Variants in CCSER1 observed in about 807,000 individuals in gnomAD.
The protein encoded by CCSER1 is serine-rich coiled-coil domain-containing protein 1.
A neutral mutation model predicts 82.0 loss-of-function variants in CCSER1; 41 were observed. The ratio of observed to expected loss-of-function variants is 0.50; its 90% CI spans 0.39 to 0.65. CCSER1 has a LOEUF of 0.65. Among genes scored for constraint, CCSER1 ranks in the 30% least tolerant of loss-of-function variants. The pLI, the probability that CCSER1 is intolerant of heterozygous loss-of-function variation, is 0.00. For missense variants in CCSER1, 1,119 were observed against 1,064.2 expected (o/e 1.05, Z -0.72); for synonymous variants, 414 against 383.9 (o/e 1.08, Z -0.92).
At chr4:90,983,540 G>A (rs975515446) in intron 9 of CCSER1, among the ~76,000 whole-genome samples, 1 of 151,616 alleles carries the variant, frequency 6.6e-6, no homozygotes, top group African/African-American at 2.4e-5. Context: ...TGAGAGTCCT[G>A]TTTTAACAGT....
intron 5 of CCSER1, among the ~76,000 whole-genome samples, chr4:90,514,008 C>T (rs545924145): frequency 3.2e-4 from 48 of 152,014 alleles, no homozygotes; most frequent in African/African-American, 1.1e-3. Flanking sequence ...TTGAGAGAAT[C>T]GTGGGAGAAG....
intron 5 of CCSER1, among the ~76,000 whole-genome samples, chr4:90,508,949 A>G (rs1771097340): frequency 6.6e-6 from 1 of 152,160 alleles, no homozygotes; most frequent in Non-Finnish European, 1.5e-5. Context: ...GGATTAGCAT[A>G]TATTGTTTTA....
intron 6 of CCSER1, among the ~76,000 whole-genome samples, chr4:90,698,630 G>A (rs918453107): frequency 2.0e-5 from 3 of 152,114 alleles, no homozygotes; most frequent in African/African-American, 7.2e-5. Flanking sequence ...AACTACCAAT[G>A]TAATGTATTG....
intron 2 of CCSER1, among the ~76,000 whole-genome samples, chr4:90,309,988 T>C (rs1735013430): frequency 6.6e-6 from 1 of 152,116 alleles, no homozygotes; most frequent in African/African-American, 2.4e-5. Flanking sequence ...GAGGCATTGG[T>C]ATTTCTTATT....
chr4:90,195,930 T>C (rs887249533), intron 1 of CCSER1, among the ~76,000 whole-genome samples: 5 of 152,068 alleles, frequency 3.3e-5, no homozygotes, highest in Non-Finnish European at 5.9e-5. Flanking sequence ...GTGAAAGTAT[T>C]CGAAGTAATT....
intron 1 of CCSER1, among the ~76,000 whole-genome samples, chr4:90,271,971 G>C (rs955610431): frequency 2.0e-5 from 3 of 147,648 alleles, no homozygotes; most frequent in Non-Finnish European, 4.5e-5. Flanking sequence ...AACGGAAGCA[G>C]GCACCTTTTT....
At chr4:90,619,280 T>C (rs1265553847) in intron 5 of CCSER1, among the ~76,000 whole-genome samples, 1 of 151,996 alleles carries the variant, frequency 6.6e-6, no homozygotes, top group African/African-American at 2.4e-5. Context: ...ATAAAATTAC[T>C]CTTCCATATA....
chr4:90,943,655 T>TG, intron 9 of CCSER1, among the ~76,000 whole-genome samples: 1 of 150,170 alleles, frequency 6.7e-6, no homozygotes, highest in Non-Finnish European at 1.5e-5. Flanking sequence ...CTCAACCTCC[T>TG]GGGCTCAAGC....
At chr4:91,542,003 T>A (rs1761624229) in intron 10 of CCSER1, among the ~76,000 whole-genome samples, 1 of 152,340 alleles carries the variant, frequency 6.6e-6, no homozygotes, top group Non-Finnish European at 1.5e-5. Flanking sequence ...TTTTCATGTG[T>A]CTGTTGGCTG....
intron 5 of CCSER1, among the ~76,000 whole-genome samples, chr4:90,563,441 T>A (rs762815881): frequency 6.6e-6 from 1 of 152,056 alleles, no homozygotes; most frequent in Non-Finnish European, 1.5e-5. Flanking sequence ...CAACGTCTTC[T>A]CCCCCATCCC....
intron 5 of CCSER1, among the ~76,000 whole-genome samples, chr4:90,533,633 T>C (rs1774918492): frequency 6.6e-6 from 1 of 152,230 alleles, no homozygotes; most frequent in African/African-American, 2.4e-5. Context: ...TCTTTTGGTT[T>C]GGCTATCCTG....
chr4:91,421,218 A>G lies in CCSER1; in HGVS notation c.2218-177354A>G, dbSNP rs1208894359. On this transcript the variant is annotated intron_variant, in intron 10 of 10. Coordinates refer to ENST00000509176, the MANE Select transcript of CCSER1 (RefSeq NM_001145065.2). ...TACATAGATATATAAAAGGAGATCT[A>G]TTACAGGAATTGGCTTAGGTGGTTA... is the stretch of plus-strand genomic sequence containing the variant. Among the ~76,000 whole-genome samples the G allele has an allele frequency of 2.6e-5, 4 of 152,326 alleles. No individual in the cohort carries two copies. In the East Asian group the frequency reaches 7.7e-4, roughly 29 times the overall value.
At chr4:90,419,087 TA>T (rs1341191439) in intron 4 of CCSER1, among the ~76,000 whole-genome samples, 1 of 152,054 alleles carries the variant, frequency 6.6e-6, no homozygotes, top group Non-Finnish European at 1.5e-5. Context: ...GTTTCCACTA[TA>T]AAAGCTCTCA....
chr4:90,754,779 CAAAG>C (rs1360182811), intron 7 of CCSER1, among the ~76,000 whole-genome samples: 1 of 152,006 alleles, frequency 6.6e-6, no homozygotes, highest in Non-Finnish European at 1.5e-5. Context: ...AAAAATAAGA[CAAAG>C]AAAACAAAAA....
rs562822639 is a variant in CCSER1 at position 90,144,510 on chromosome 4, C to T, written c.-42+16679C>T. On this transcript the variant is annotated intron_variant, in intron 1 of 10. Transcript: ENST00000509176. ...ATTGAGGTGTTTATGAATGTGGACT[C>T]AAATTTACTCAATGCACACAGTAAA... 2.6e-5 allele frequency among the ~76,000 whole-genome samples: 4 copies of T among 152,156 alleles called. No homozygotes were observed. The East Asian group carries it at 7.7e-4, about 29-fold the overall frequency.
chr4:90,881,107 T>A (rs1721247494), intron 8 of CCSER1, among the ~76,000 whole-genome samples: 1 of 151,376 alleles, frequency 6.6e-6, no homozygotes, highest in Non-Finnish European at 1.5e-5. Flanking sequence ...CTTATATGAG[T>A]TTTTAAAAAT....
intron 1 of CCSER1, among the ~76,000 whole-genome samples, chr4:90,160,345 G>A (rs1202571457): frequency 1.3e-5 from 2 of 152,162 alleles, no homozygotes; most frequent in East Asian, 1.9e-4. Context: ...TCACGTGTTT[G>A]GGCTCTGTTT....
intron 5 of CCSER1, among the ~76,000 whole-genome samples, chr4:90,611,059 CTTTTTTTTT>C (rs201354908): frequency 1.1e-5 from 1 of 93,808 alleles, no homozygotes; most frequent in Non-Finnish European, 1.9e-5. Flanking sequence ...CTTTTCTTTT[CTTTTTTTTT>C]TTTTTTTTTT....
chr4:91,541,946 T>G (rs533345726), intron 10 of CCSER1, among the ~76,000 whole-genome samples: 2 of 152,290 alleles, frequency 1.3e-5, no homozygotes, highest in East Asian at 3.9e-4. Flanking sequence ...GTTATCTCAT[T>G]GTGGTTTTGA....
Sources: gnomAD v4.1 joint callset for allele counts (sites outside exome capture counted in the v4.1 genomes callset) on GRCh38, gnomAD v4.1.1 for gene constraint, MANE v1.5 for transcripts, NCBI Gene and HGNC (gene_info 2026-07-23, HGNC 2026-07-21) for gene names.